ASIC2: variants seen among roughly 807,000 people sequenced by gnomAD.
The protein encoded by ASIC2 is acid-sensing ion channel 2.
ASIC2 carries 25 observed loss-of-function variants against 57.3 expected under a neutral mutation model. That is an observed-to-expected ratio of 0.44 (90% CI 0.32 to 0.61). The LOEUF (loss-of-function observed/expected upper bound fraction) is 0.61. Ranked by LOEUF, ASIC2 falls within the 20% of genes least tolerant of loss-of-function variation. The pLI, the probability that ASIC2 is intolerant of heterozygous loss-of-function variation, is 0.06. For missense variants in ASIC2, 641 were observed against 738.1 expected, an observed-to-expected ratio of 0.87 and a Z score of 1.52; for synonymous variants, 319 against 307.5, an observed-to-expected ratio of 1.04 and a Z score of -0.39.
chr17:33,525,155 T>G (rs1330427919), intron 1 of ASIC2, among the ~76,000 whole-genome samples: 1 of 152,170 alleles, frequency 6.6e-6, no homozygotes, highest in South Asian at 2.1e-4. Flanking sequence ...GTAGTCAGCC[T>G]CAGTCATGTG....
chr17:33,315,158 A>T (rs9914417), intron 1 of ASIC2, among the ~76,000 whole-genome samples: 28,985 of 152,154 alleles, frequency 0.19, 2,882 homozygotes, highest in East Asian at 0.37. Context: ...TATTAGAGCA[A>T]TTAAATGTGA....
intron 1 of ASIC2, among the ~76,000 whole-genome samples, chr17:33,933,500 G>A (rs898114645): frequency 6.6e-6 from 1 of 152,206 alleles, no homozygotes; most frequent in African/African-American, 2.4e-5. Flanking sequence ...GCTCAGGCTT[G>A]GAAAGAGGTG....
intron 1 of ASIC2, among the ~76,000 whole-genome samples, chr17:33,749,422 T>C (rs1021282382): frequency 1.3e-5 from 2 of 151,982 alleles, no homozygotes; most frequent in African/African-American, 4.8e-5. Context: ...TCGGACCGTG[T>C]GGGAGGGGCG....
rs7342851 is a variant in ASIC2 at position 33,132,264 on chromosome 17, T to C, written c.709-20197A>G. ...AGCCAAATCGCCTGTCTTTGAATGA[T>C]GGTTCTGCCCCCAAACTGGGTAGTT... On this transcript the variant is annotated intron_variant, in intron 1 of 9. Transcript: ENST00000225823. 2.4e-3 allele frequency among the ~76,000 whole-genome samples: 364 copies of C among 152,388 alleles called. 2 individuals carry two copies. Among genetic ancestry groups the C allele is most frequent in the African/African-American group, 8.4e-3 (349 of 41,588 alleles).
At chr17:33,030,248 C>T (rs574871478) in intron 3 of ASIC2, among the ~76,000 whole-genome samples, 1 of 152,156 alleles carries the variant, frequency 6.6e-6, no homozygotes, top group South Asian at 2.1e-4. Context: ...TCCATGAATC[C>T]CCAGAATTTC....
intron 3 of ASIC2, among the ~76,000 whole-genome samples, chr17:33,065,087 AC>A: frequency 6.6e-6 from 1 of 151,776 alleles, no homozygotes. Context: ...GACATATCAC[AC>A]TTAATAGGCA....
At chr17:33,408,643 C>T (rs1040877413) in intron 1 of ASIC2, among the ~76,000 whole-genome samples, 19 of 152,338 alleles carry the variant, frequency 1.2e-4, no homozygotes, top group African/African-American at 2.2e-4. Context: ...TGAGTAATAA[C>T]GCCTTTATCC....
At chr17:34,108,474 A>T (rs1450146166) in intron 1 of ASIC2, among the ~76,000 whole-genome samples, 3 of 152,310 alleles carry the variant, frequency 2.0e-5, no homozygotes, top group Non-Finnish European at 4.4e-5. Flanking sequence ...TAATTATGCC[A>T]CTGTCATATA....
chr17:34,111,233 C>CAT (rs35631276), intron 1 of ASIC2, among the ~76,000 whole-genome samples: 1 of 148,906 alleles, frequency 6.7e-6, no homozygotes, highest in South Asian at 2.1e-4. Flanking sequence ...CTCAAAAAAA[C>CAT]ATATATATAC....
intron 1 of ASIC2, among the ~76,000 whole-genome samples, chr17:34,099,102 AAGAGAGAGAGAGAGAG>A (rs74200841): frequency 4.9e-5 from 4 of 81,262 alleles, no homozygotes; most frequent in East Asian, 3.4e-4. Flanking sequence ...TAAGAGAGAA[AAGAGAGAGAGAGAGAG>A]AGAGAGAGAG....
Position 34,095,538 on chromosome 17 carries a change from T to C in ASIC2, c.555+60440A>G, listed in dbSNP as rs558875042. Among the ~76,000 whole-genome samples, 3 of 150,576 alleles carry C rather than the reference T, an allele frequency of 2.0e-5. No homozygotes were observed. The South Asian group carries it at 6.3e-4, about 31-fold the overall frequency. On this transcript the variant is annotated intron_variant, in intron 1 of 9. Transcript: ENST00000359872. ...TTAATTAATTTTCCATGATGCTTTA[T>C]TTTAATCATGAAAAAATGAGATTGG...
chr17:33,389,390 A>C (rs559714559), intron 1 of ASIC2, among the ~76,000 whole-genome samples: 1 of 152,362 alleles, frequency 6.6e-6, no homozygotes, highest in African/African-American at 2.4e-5. Context: ...TGATATGAAC[A>C]CTAAAAGAAG....
chr17:33,359,140 A>G (rs1352886085), intron 1 of ASIC2, among the ~76,000 whole-genome samples: 3 of 152,336 alleles, frequency 2.0e-5, no homozygotes, highest in Non-Finnish European at 4.4e-5. Context: ...GCCACCTAGC[A>G]AGCTCTAGGC....
At chr17:33,469,711 C>G (rs1286461138) in intron 1 of ASIC2, among the ~76,000 whole-genome samples, 2 of 152,182 alleles carry the variant, frequency 1.3e-5, no homozygotes. Context: ...TACTTCCCTT[C>G]AGGGTTAGCT....
chr17:33,267,007 CA>C (rs1378376873), intron 1 of ASIC2, among the ~76,000 whole-genome samples: 2 of 152,112 alleles, frequency 1.3e-5, no homozygotes, highest in Non-Finnish European at 2.9e-5. Context: ...CACTGACTCT[CA>C]AAATTAATGA....
intron 1 of ASIC2, among the ~76,000 whole-genome samples, chr17:33,873,285 T>G (rs1023935312): frequency 1.3e-5 from 2 of 152,210 alleles, no homozygotes; most frequent in Non-Finnish European, 2.9e-5. Context: ...ACAGACAAAT[T>G]ACACGTAAGC....
chr17:33,190,226 T>C (rs1187780033), intron 1 of ASIC2, among the ~76,000 whole-genome samples: 2 of 152,176 alleles, frequency 1.3e-5, no homozygotes, highest in African/African-American at 4.8e-5. Flanking sequence ...AATCAATTGT[T>C]TCAATATAGT....
chr17:33,403,865 C>T (rs1910372222), intron 1 of ASIC2, among the ~76,000 whole-genome samples: 1 of 152,132 alleles, frequency 6.6e-6, no homozygotes, highest in South Asian at 2.1e-4. Context: ...TTTTCCAAGC[C>T]CCACAGTGAA....
At chr17:33,836,768 G>A (rs150185670) in intron 1 of ASIC2, among the ~76,000 whole-genome samples, 8 of 152,166 alleles carry the variant, frequency 5.3e-5, no homozygotes, top group East Asian at 1.9e-4. Flanking sequence ...CAGGAGAGTC[G>A]CTTGAATCTG....
Sources: gnomAD v4.1 joint callset for allele counts (sites outside exome capture counted in the v4.1 genomes callset) on GRCh38, gnomAD v4.1.1 for gene constraint, MANE v1.5 for transcripts, NCBI Gene and HGNC (gene_info 2026-07-23, HGNC 2026-07-21) for gene names.